Variants in PTCH2 observed in about 807,000 individuals in gnomAD.
PTCH2 encodes the protein patched 2.
PTCH2 carries 96 observed loss-of-function variants against 117.9 expected under a neutral mutation model. The ratio of observed to expected loss-of-function variants is 0.81; its 90% CI spans 0.69 to 0.96. The LOEUF (loss-of-function observed/expected upper bound fraction) is 0.96, where lower values mean the gene tolerates loss of function less well. Among genes scored for constraint, PTCH2 ranks in the 50% least tolerant of loss-of-function variants. The pLI is 0.00. For missense variants in PTCH2, 1,379 were observed against 1,562.5 expected, an observed-to-expected ratio of 0.88 and a Z score of 1.98; for synonymous variants, 615 against 660.9, an observed-to-expected ratio of 0.93 and a Z score of 1.06.
chr1:44,821,629 C>T (rs1204483789), downstream of PTCH2: 17 of 380,182 alleles, frequency 4.5e-5, no homozygotes, highest in Middle Eastern at 1.3e-3. Flanking sequence ...TCTGGAGAGA[C>T]GGGCAGGCTG....
rs187640294 is a variant in PTCH2 at position 44,839,009 on chromosome 1, G to A, written c.265+2838C>T. Among the ~76,000 whole-genome samples the A allele has an allele frequency of 3.2e-3, 483 of 152,188 alleles. 3 individuals carry two copies. The highest frequency in any genetic ancestry group is 0.011 in the African/African-American group (460 of 41,564). On this transcript the variant is annotated intron_variant, in intron 2 of 21. Transcript: ENST00000372192. ...CTCCCGAAGTGCTGGGATTACAGGCGTGAGCCACTGCACCCTGCCTTCTTA... is the reference window on the plus strand; with the variant it reads ...CTCCCGAAGTGCTGGGATTACAGGCATGAGCCACTGCACCCTGCCTTCTTA...
chr1:44,836,758 G>C (rs966463601), intron 2 of PTCH2, among the ~76,000 whole-genome samples: 1 of 151,978 alleles, frequency 6.6e-6, no homozygotes, highest in African/African-American at 2.4e-5. Flanking sequence ...GGGCAACATA[G>C]TGGGACTGCG....
rs992652924 is a variant in PTCH2 at position 44,831,997 on chromosome 1, A to G, written c.503T>C (p.Ile168Thr). The G allele has an allele frequency of 8.1e-6, 13 of 1,613,042 alleles. No homozygotes were observed. The highest frequency in any genetic ancestry group is 1.6e-4 in the Middle Eastern group (1 of 6,084). The change falls in exon 4 of 22, where the codon ATT (isoleucine) becomes ACT (threonine). Residue 168 changes from isoleucine (I) to threonine (T), a missense_variant. Ile to Thr is a moderately conservative substitution (Grantham distance 89). Transcript: ENST00000372192. The surrounding 1 kb of genome is among the most constrained non-coding windows in gnomAD (Gnocchi z 4.3). ...KICYKSGVPL[I>T]ENGMIERMIE... ...TACCCGCTCAATCATTCCATTTTCA[A>G]TAAGGGGAACTCCTGACTTGTAGCA...
At position 44,826,852 on chromosome 1, in the gene PTCH2, G is replaced by A. The variant is rs1306155969; in HGVS notation, c.2695+50C>T. 1.2e-6 allele frequency: 2 copies of A among 1,612,792 alleles called. No homozygotes were observed. The highest frequency in any genetic ancestry group is 2.2e-5 in the South Asian group (2 of 91,070). On this transcript the variant is annotated intron_variant, in intron 17 of 21. Transcript: ENST00000372192. The surrounding 1 kb of genome is among the most constrained non-coding windows in gnomAD (Gnocchi z 5.1). ...GAGTGGGCAGGGCCTCAGGCTCAGG[G>A]CTTGTGTGGGCGAGGCTGAGGCTCT...
Position 44,827,877 on chromosome 1 carries a change from T to C in PTCH2, c.2024A>G (p.Gln675Arg). ...TGACTGGAGCAGCAACGGGGCAAAC[T>C]GATAGCGGGCGAAATGGGCAAGATT... Reference protein sequence around the residue: ...RWNLAHFARYQFAPLLLQSHA... With the variant: ...RWNLAHFARYRFAPLLLQSHA... The change falls in exon 14 of 22, where the codon CAG (glutamine) becomes CGG (arginine). Residue 675 changes from glutamine to arginine, a missense_variant. Physicochemically the swap from Gln to Arg is conservative, Grantham distance 43. Coordinates refer to ENST00000372192, the MANE Select transcript of PTCH2 (RefSeq NM_003738.5). 1 of 1,614,172 alleles carries C rather than the reference T, an allele frequency of 6.2e-7. No homozygotes were observed. Among genetic ancestry groups the C allele is most frequent in the Non-Finnish European group, 8.5e-7 (1 of 1,180,042 alleles).
rs1467639980 is a variant in PTCH2 at position 44,830,001 on chromosome 1, C to T, written c.843G>A (p.Gly281=). The T allele has an allele frequency of 1.2e-6, 2 of 1,614,134 alleles. No individual in the cohort carries two copies. The highest frequency in any genetic ancestry group is 2.2e-5 in the East Asian group (1 of 44,880). Residue 281 remains glycine, a synonymous_variant, in exon 7 of 22, where the codon GGG becomes GGA. Coordinates refer to ENST00000372192, the MANE Select transcript of PTCH2 (RefSeq NM_003738.5). The stretch of plus-strand genomic sequence containing the variant: ...ATTTGTGGGAGAAGCCATGGCAGCC[C>T]CCACTCAGCTCGTGAGCCACATTGG... ...QAPNVAHELS[G]GCHGFSHKFM...
At chr1:44,820,171 A>C, downstream of PTCH2, 1 of 351,132 alleles carries the variant, frequency 2.8e-6, no homozygotes. Flanking sequence ...GAGTGCAAGC[A>C]TCTTGAGGGT....
chr1:44,832,704 C>T (rs541075837), intron 2 of PTCH2, among the ~76,000 whole-genome samples: 3 of 152,172 alleles, frequency 2.0e-5, no homozygotes, highest in Non-Finnish European at 4.4e-5. Flanking sequence ...AGGGAACCCT[C>T]GCTCAGTCCC....
Position 44,839,883 on chromosome 1 carries a change from G to A in PTCH2, c.265+1964C>T, listed in dbSNP as rs1405104198. On this transcript the variant is annotated intron_variant, in intron 2 of 21. Transcript: ENST00000372192. Reference sequence around the variant, plus strand: ...GTGTGGGAGCTCAACAGGCAGGCAAGCTCTGAGAAACATCTGCTGTGGATC... The same window carrying A: ...GTGTGGGAGCTCAACAGGCAGGCAAACTCTGAGAAACATCTGCTGTGGATC... Among the ~76,000 whole-genome samples, 3 of 152,068 alleles carry A rather than the reference G, an allele frequency of 2.0e-5. No homozygotes were observed. In the South Asian group the frequency reaches 6.2e-4, roughly 32 times the overall value.
intron 3 of PTCH2, 24 bp downstream of exon 3, chr1:44,832,128 G>C (rs2148880185): frequency 2.5e-6 from 4 of 1,613,942 alleles, no homozygotes; most frequent in Non-Finnish European, 3.4e-6. Flanking sequence ...GCCCCCAGCT[G>C]CTCAGGGGCT....
rs372959991 is a variant in PTCH2, at chr1:44,828,394, G to A, written c.1611C>T (p.Cys537=). 8.5e-4 allele frequency: 1,373 copies of A among 1,614,170 alleles called. 16 individuals are homozygous for A. In the South Asian group the frequency reaches 0.014, roughly 17 times the overall value. The part of the protein sequence containing the change: ...FSLQAAIVVG[C]TFVAVMLVFP... ...AGACAAGCATCACGGCTACAAAGGT[G>A]CAGCCAACCACTATGGCCGCCTGGG... Residue 537 remains cysteine, a synonymous_variant, in exon 13 of 22, where the codon TGC becomes TGT. Coordinates refer to ENST00000372192, the MANE Select transcript of PTCH2 (RefSeq NM_003738.5).
At position 44,841,903 on chromosome 1, in the gene PTCH2, G is replaced by T; in HGVS notation, c.209C>A (p.Ala70Glu). The change falls in exon 2 of 22, where the codon GCA becomes GAA. Residue 70 changes from alanine to glutamate, a missense_variant. Physicochemically the swap from Ala to Glu is moderately radical, Grantham distance 107. Coordinates refer to ENST00000372192, the MANE Select transcript of PTCH2 (RefSeq NM_003738.5). The stretch of plus-strand genomic sequence containing the variant: ...AATAATGGCCATGCGGAGACCTAAT[G>T]CCAGGGCCCCAAAGGCCAACAGTCC... Reference protein sequence around the residue: ...FLGLLAFGALALGLRMAIIET... With the variant: ...FLGLLAFGALELGLRMAIIET... 11 of 1,614,218 alleles carry T rather than the reference G, an allele frequency of 6.8e-6. No homozygotes were observed. Among genetic ancestry groups the T allele is most frequent in the Non-Finnish European group, 9.3e-6 (11 of 1,180,038 alleles).
In PTCH2 at chr1:44,829,186, C is replaced by G. The variant is rs764006611; in HGVS notation, c.1342G>C (p.Gly448Arg). 1.9e-6 allele frequency: 3 copies of G among 1,613,666 alleles called. No homozygotes were observed. Among genetic ancestry groups the G allele is most frequent in the South Asian group, 2.2e-5 (2 of 91,082 alleles). ...GTAGTGGCAGCATTGAAGGTGATGC[C>G]GAGCAGGGCACAGAGCCCAAGGCCT... ...ASGLGLCALL[G>R]ITFNAATTQV... Residue 448 changes from glycine to arginine, a missense_variant, in exon 10 of 22, where the codon GGC becomes CGC. Gly to Arg is a moderately radical substitution (Grantham distance 125). Transcript: ENST00000372192.
At chr1:44,833,473 AT>A (rs1193256108) in intron 2 of PTCH2, among the ~76,000 whole-genome samples, 3 of 133,102 alleles carry the variant, frequency 2.3e-5, no homozygotes, top group African/African-American at 8.7e-5. Context: ...GTCTTGCTCT[AT>A]TGCCCAGGCT....
intron 21 of PTCH2, 53 bp from the exon 22 acceptor site, chr1:44,822,722 C>T (rs1652963427): frequency 1.3e-6 from 2 of 1,562,668 alleles, no homozygotes; most frequent in Admixed American, 1.7e-5. Flanking sequence ...GGCTCCCGTC[C>T]CCTTTAGCAT....
In PTCH2 at chr1:44,831,813, C is replaced by G; in HGVS notation, c.526-16G>C. On this transcript the variant is annotated splice_polypyrimidine_tract_variant and intron_variant, in intron 4 of 21. Coordinates refer to ENST00000372192, the MANE Select transcript of PTCH2 (RefSeq NM_003738.5). This position sits in a 1 kb window ranked among gnomAD's most constrained non-coding sequence, Gnocchi z 4.3. ...TCTCAATCATCTGCCAGGGATACCC[C>G]GGGCCACGTCAGTCCTGCCCCACAA... 1.9e-6 allele frequency: 3 copies of G among 1,610,800 alleles called. No homozygotes were observed. The highest frequency in any genetic ancestry group is 2.5e-6 in the Non-Finnish European group (3 of 1,178,082).
At chr1:44,820,532 G>A, downstream of PTCH2, 1 of 678,774 alleles carries the variant, frequency 1.5e-6, no homozygotes, top group Non-Finnish European at 2.8e-6. Flanking sequence ...AATTCACCTC[G>A]AAGGGTGATA....
Position 44,822,167 on chromosome 1 carries a change from C to G in PTCH2, c.*248G>C, listed in dbSNP as rs1652935762. 1 of 1,428,974 alleles carries G rather than the reference C, an allele frequency of 7.0e-7. No individual in the cohort carries two copies. The allele number at this position is 1,428,974 out of a possible 1,614,324, so 88.5% of individuals were successfully genotyped here. A position where few individuals can be genotyped will look rare whatever the true frequency, so the allele number is the denominator to read the frequency against. On this transcript the variant is annotated 3_prime_UTR_variant, in exon 22 of 22. Coordinates refer to ENST00000372192, the MANE Select transcript of PTCH2 (RefSeq NM_003738.5). Reference sequence around the variant, plus strand: ...GTGTGGGGTGGGAAGGGGGACAGGGCTGCACTGCAGCCCCAAGTGCCAGCT... The same window carrying G: ...GTGTGGGGTGGGAAGGGGGACAGGGGTGCACTGCAGCCCCAAGTGCCAGCT...
Position 44,832,372 on chromosome 1 carries a change from G to A in PTCH2, c.266-31C>T, listed in dbSNP as rs944201408. 2.1e-5 allele frequency: 34 copies of A among 1,612,310 alleles called. No homozygotes were observed. In the African/African-American group the frequency reaches 3.6e-4, roughly 17 times the overall value. On this transcript the variant is annotated intron_variant, in intron 2 of 21. Coordinates refer to ENST00000372192, the MANE Select transcript of PTCH2 (RefSeq NM_003738.5). The stretch of plus-strand genomic sequence containing the variant: ...AGAGCAAACAGAGAAAGCTGGGGGG[G>A]AAAGGGCCTAGGCGGGTCAGAACTT...
Sources: gnomAD v4.1 joint callset for allele counts (sites outside exome capture counted in the v4.1 genomes callset) on GRCh38, gnomAD v4.1.1 for gene constraint, Gnocchi (gnomAD v3.1) non-coding constraint, MANE v1.5 for transcripts, NCBI Gene and HGNC (gene_info 2026-07-23, HGNC 2026-07-21) for gene names.